Variants in PCDH7 observed in about 807,000 individuals in gnomAD.
PCDH7 encodes the protein protocadherin 7, also known as protocadherin-7.
PCDH7 carries 17 observed loss-of-function variants against 58.9 expected under a neutral mutation model. The ratio of observed to expected loss-of-function variants is 0.29; its 90% CI spans 0.20 to 0.43. PCDH7 has a LOEUF of 0.43. Among genes scored for constraint, PCDH7 ranks in the 20% least tolerant of loss-of-function variants. The probability of loss-of-function intolerance (pLI) is 1.00; values close to 1 mark genes in which losing one functional copy is unlikely to be tolerated. For missense variants in PCDH7, 1,274 were observed against 1,441.0 expected (o/e 0.88, Z 1.88); for synonymous variants, 664 against 616.4 (o/e 1.08, Z -1.14).
At chr4:31,076,985 G>T (rs777048428) in intron 3 of PCDH7, among the ~76,000 whole-genome samples, 2 of 151,522 alleles carry the variant, frequency 1.3e-5, no homozygotes, top group East Asian at 3.9e-4. Flanking sequence ...TCACTGCTTC[G>T]GTACATCCTA....
rs976393155 is a variant in PCDH7, at chr4:30,852,800, G to A, written c.71-67353G>A. ...AATTGATGTGGAGCTGTCAGAACCA[G>A]AACTCAAACTCAGGTCTATCAAGCA... On this transcript the variant is annotated intron_variant, in intron 1 of 3. Transcript: ENST00000509759. 4.8e-5 allele frequency among the ~76,000 whole-genome samples: 5 copies of A among 103,238 alleles called. No homozygotes were observed. The East Asian group carries it at 1.3e-3, about 27-fold the overall frequency. The allele number at this position is 103,238 out of a possible 152,430, so 67.7% of individuals were successfully genotyped here.
At chr4:31,037,256 G>A (rs1755487906) in intron 3 of PCDH7, among the ~76,000 whole-genome samples, 1 of 152,090 alleles carries the variant, frequency 6.6e-6, no homozygotes, top group Non-Finnish European at 1.5e-5. Flanking sequence ...CTGAAATTCA[G>A]TTTGTTCATC....
chr4:30,934,070 A>C (rs1745025947), intron 2 of PCDH7, among the ~76,000 whole-genome samples: 1 of 152,242 alleles, frequency 6.6e-6, no homozygotes, highest in Non-Finnish European at 1.5e-5. Context: ...TAGCTCTTTG[A>C]GAATTCAATT....
intron 1 of PCDH7, among the ~76,000 whole-genome samples, chr4:30,807,844 T>C (rs1161758236): frequency 6.6e-6 from 1 of 152,208 alleles, no homozygotes; most frequent in Non-Finnish European, 1.5e-5. Flanking sequence ...ATCTTAATTA[T>C]TTCATAAATT....
chr4:31,023,671 T>A (rs1247979871), intron 3 of PCDH7, among the ~76,000 whole-genome samples: 1 of 152,190 alleles, frequency 6.6e-6, no homozygotes, highest in Non-Finnish European at 1.5e-5. Flanking sequence ...TAAGGGTCAA[T>A]TTTTCCCTCC....
intron 3 of PCDH7, among the ~76,000 whole-genome samples, chr4:31,057,996 A>T (rs888018250): frequency 6.6e-6 from 1 of 152,120 alleles, no homozygotes; most frequent in African/African-American, 2.4e-5. Flanking sequence ...TAGGATTTAA[A>T]TATCCAATTA....
intron 1 of PCDH7, among the ~76,000 whole-genome samples, chr4:30,767,455 T>C (rs528516598): frequency 6.6e-6 from 1 of 152,156 alleles, no homozygotes; most frequent in African/African-American, 2.4e-5. Context: ...TCTGAGAAAT[T>C]AATGAAGGGG....
intron 1 of PCDH7, among the ~76,000 whole-genome samples, chr4:30,766,107 T>C (rs1318009616): frequency 1.1e-5 from 1 of 93,968 alleles, no homozygotes; most frequent in Non-Finnish European, 1.9e-5. Context: ...TCCCATTAAA[T>C]GTAGGGAAAA....
intron 3 of PCDH7, among the ~76,000 whole-genome samples, chr4:30,969,717 A>G (rs1048776262): frequency 6.6e-6 from 1 of 152,188 alleles, no homozygotes; most frequent in Non-Finnish European, 1.5e-5. Flanking sequence ...TGATCTAAAC[A>G]TATGACTTTA....
intron 3 of PCDH7, among the ~76,000 whole-genome samples, chr4:31,013,326 A>G (rs982634600): frequency 2.9e-5 from 4 of 139,170 alleles, no homozygotes; most frequent in Non-Finnish European, 6.4e-5. Flanking sequence ...ACACACACAC[A>G]TACACACATA....
At chr4:31,109,967 T>C (rs1234001899) in intron 3 of PCDH7, among the ~76,000 whole-genome samples, 1 of 152,210 alleles carries the variant, frequency 6.6e-6, no homozygotes, top group Non-Finnish European at 1.5e-5. Context: ...TGAAAGAAGG[T>C]TTGTTGTTCA....
At chr4:30,863,962 A>G (rs79939695) in intron 1 of PCDH7, among the ~76,000 whole-genome samples, 2,339 of 152,210 alleles carry the variant, frequency 0.015, 61 homozygotes, top group African/African-American at 0.053. Flanking sequence ...ATTAGTTGTG[A>G]TAGGTTATTC....
intron 1 of PCDH7, among the ~76,000 whole-genome samples, chr4:30,906,146 C>G (rs973924483): frequency 6.6e-6 from 1 of 152,078 alleles, no homozygotes; most frequent in Non-Finnish European, 1.5e-5. Context: ...TTTTCAAAGC[C>G]AGGCAGTATG....
chr4:31,041,296 C>T (rs1755838424), intron 3 of PCDH7, among the ~76,000 whole-genome samples: 1 of 151,966 alleles, frequency 6.6e-6, no homozygotes, highest in African/African-American at 2.4e-5. Flanking sequence ...GTTATTATTC[C>T]GGGGATATTT....
intron 3 of PCDH7, among the ~76,000 whole-genome samples, chr4:30,983,791 T>C (rs547948640): frequency 6.6e-6 from 1 of 152,314 alleles, no homozygotes; most frequent in African/African-American, 2.4e-5. Context: ...AATAAGATCC[T>C]GAAACTAATT....
At chr4:30,797,712 G>C (rs1013084026) in intron 1 of PCDH7, among the ~76,000 whole-genome samples, 1 of 151,964 alleles carries the variant, frequency 6.6e-6, no homozygotes, top group African/African-American at 2.4e-5. Flanking sequence ...CCAGTTCTTC[G>C]CAAAGTGCCT....
Position 30,888,704 on chromosome 4 carries a change from T to C in PCDH7, c.71-31449T>C, listed in dbSNP as rs144769605. On this transcript the variant is annotated intron_variant, in intron 1 of 3. Coordinates refer to the PCDH7 transcript ENST00000509759. ...AAAATATGGATTGAATGAAGTGATATCTGAGATTTGTTTCCCGGTAACTGG... is the reference window on the plus strand; with the variant it reads ...AAAATATGGATTGAATGAAGTGATACCTGAGATTTGTTTCCCGGTAACTGG... 4.0e-3 allele frequency among the ~76,000 whole-genome samples: 604 copies of C among 152,232 alleles called. 4 individuals carry two copies. The highest frequency in any genetic ancestry group is 0.013 in the African/African-American group (557 of 41,540).
downstream of PCDH7, among the ~76,000 whole-genome samples, chr4:30,734,635 T>G (rs1715988983): frequency 6.6e-6 from 1 of 151,972 alleles, no homozygotes; most frequent in African/African-American, 2.4e-5. Context: ...CAATGAAAAA[T>G]AATATATATG....
chr4:31,029,888 T>C (rs1308673161), intron 3 of PCDH7, among the ~76,000 whole-genome samples: 1 of 152,120 alleles, frequency 6.6e-6, no homozygotes, highest in Non-Finnish European at 1.5e-5. Context: ...ACTCTGTGGG[T>C]TCTGAGCATA....
Sources: allele counts gnomAD v4.1 joint callset (sites outside exome capture counted in the v4.1 genomes callset), GRCh38; gene constraint gnomAD v4.1.1; transcripts MANE v1.5; gene names NCBI Gene and HGNC (gene_info 2026-07-23, HGNC 2026-07-21).